The following EYS variants were observed in gnomAD, a reference collection of about 807,000 sequenced individuals.
EYS encodes the protein protein eyes shut homolog.
EYS carries 250 observed loss-of-function variants against 282.1 expected under a neutral mutation model. That is an observed-to-expected ratio of 0.89 (90% confidence interval 0.80 to 0.98). EYS has a LOEUF of 0.98. Ranked by LOEUF, EYS falls within the 50% of genes least tolerant of loss-of-function variation. The pLI, the probability that EYS is intolerant of heterozygous loss-of-function variation, is 0.00. For missense variants in EYS, 4,016 were observed against 3,709.0 expected, an observed-to-expected ratio of 1.08 and a Z score of -2.15; for synonymous variants, 1,355 against 1,282.9, an observed-to-expected ratio of 1.06 and a Z score of -1.20.
intron 35 of EYS, among the ~76,000 whole-genome samples, chr6:63,964,000 G>A (rs1407292346): frequency 6.6e-6 from 1 of 152,108 alleles, no homozygotes; most frequent in African/African-American, 2.4e-5. Flanking sequence ...CTGCCCAGTG[G>A]AAGGAAGATT....
chr6:63,853,218 G>T (rs1472956785), intron 36 of EYS, among the ~76,000 whole-genome samples: 2 of 152,158 alleles, frequency 1.3e-5, no homozygotes, highest in African/African-American at 4.8e-5. Flanking sequence ...TGACATGATT[G>T]TATATTTAGA....
In EYS at chr6:63,721,660, C is replaced by G. The variant is rs1468447938; in HGVS notation, c.8371G>C (p.Val2791Leu). ...STWHIIKAGRVGAEGYLDLDG... is the reference protein window; with the variant it reads ...STWHIIKAGRLGAEGYLDLDG... ...AGATCCAGGTAGCCTTCTGCACCAA[C>G]TCTTCCTGCTTTTATTATATGCCAA... The change falls in exon 43 of 43, where the codon GTT becomes CTT. Residue 2791 changes from valine (V) to leucine (L), a missense_variant. Physicochemically the swap from Val to Leu is conservative, Grantham distance 32 (BLOSUM62 1). Coordinates refer to ENST00000503581, the MANE Select transcript of EYS (RefSeq NM_001142800.2). 6.4e-7 allele frequency: 1 copy of G among 1,551,496 alleles called. No individual in the cohort carries two copies. The highest frequency in any genetic ancestry group is 2.4e-5 in the East Asian group (1 of 40,912).
At chr6:65,566,128 G>C (rs12204695) in intron 2 of EYS, among the ~76,000 whole-genome samples, 81,808 of 151,504 alleles carry the variant, frequency 0.54, 22,074 homozygotes, top group East Asian at 0.69. Flanking sequence ...ACATATTCAG[G>C]CATGGCCAGT....
intron 22 of EYS, among the ~76,000 whole-genome samples, chr6:64,720,969 C>A (rs920899580): frequency 4.0e-5 from 6 of 151,660 alleles, no homozygotes; most frequent in African/African-American, 1.5e-4. Flanking sequence ...GATCTAAAAC[C>A]AGTTAGTGCT....
intron 20 of EYS, 50 bp downstream of exon 20, chr6:64,822,601 T>G: frequency 7.2e-7 from 1 of 1,382,518 alleles, no homozygotes; most frequent in Non-Finnish European, 9.8e-7. Flanking sequence ...GTCTTAAATA[T>G]TGTGAGTTAA....
chr6:64,079,429 T>G (rs1771884713), intron 32 of EYS, among the ~76,000 whole-genome samples: 1 of 152,150 alleles, frequency 6.6e-6, no homozygotes, highest in Non-Finnish European at 1.5e-5. Context: ...TTACTCGTAG[T>G]CAAATAATAA....
chr6:65,618,766 A>C lies in EYS; in HGVS notation c.-333+21012T>G, dbSNP rs201784650. Among the ~76,000 whole-genome samples, 5 of 152,264 alleles carry C rather than the reference A, an allele frequency of 3.3e-5. No individual in the cohort carries two copies. In the East Asian group the frequency reaches 5.8e-4, roughly 18 times the overall value. The stretch of plus-strand genomic sequence containing the variant: ...GGAAGGGATCCAGTTTCAGCTTTCT[A>C]CATATGGCTAGCCAGTTTCCCAGCA... On this transcript the variant is annotated intron_variant, in intron 2 of 42. Transcript: ENST00000503581.
At chr6:65,513,764 T>C (rs1582400145) in intron 2 of EYS, among the ~76,000 whole-genome samples, 2 of 151,762 alleles carry the variant, frequency 1.3e-5, no homozygotes, top group African/African-American at 4.8e-5. Flanking sequence ...AAACTCTCAA[T>C]AAATTAGGTA....
At chr6:64,153,097 C>T (rs1199329824) in intron 31 of EYS, among the ~76,000 whole-genome samples, 3 of 152,152 alleles carry the variant, frequency 2.0e-5, no homozygotes, top group African/African-American at 7.2e-5. Context: ...AATCTAACAA[C>T]TTTACATCCA....
intron 15 of EYS, among the ~76,000 whole-genome samples, chr6:64,929,794 G>A (rs1312281279): frequency 4.6e-5 from 7 of 152,096 alleles, no homozygotes; most frequent in Non-Finnish European, 8.8e-5. Context: ...GGCAACGTAT[G>A]TATGATTATA....
At chr6:64,731,228 A>G (rs1242867017) in intron 22 of EYS, among the ~76,000 whole-genome samples, 1 of 152,136 alleles carries the variant, frequency 6.6e-6, no homozygotes, top group Non-Finnish European at 1.5e-5. Context: ...GGCAAAGACT[A>G]CATGACTAAA....
intron 12 of EYS, among the ~76,000 whole-genome samples, chr6:65,089,294 C>T (rs1002362075): frequency 8.5e-5 from 13 of 152,144 alleles, no homozygotes; most frequent in Admixed American, 6.5e-4. Context: ...CCTATGAAAG[C>T]ATCCAGGAGA....
intron 12 of EYS, among the ~76,000 whole-genome samples, chr6:65,271,710 A>G (rs7742973): frequency 0.97 from 148,145 of 152,126 alleles, 72,249 homozygotes; most frequent in East Asian, 1. Context: ...AATCTCCCTC[A>G]TAGCTGGGAT....
chr6:64,278,849 G>A (rs905392602), intron 30 of EYS, among the ~76,000 whole-genome samples: 6 of 151,634 alleles, frequency 4.0e-5, no homozygotes, highest in Admixed American at 1.3e-4. Flanking sequence ...CTGTAACCTC[G>A]AACTCCTGGG....
At chr6:64,035,361 G>A (rs986908038) in intron 33 of EYS, among the ~76,000 whole-genome samples, 1 of 152,196 alleles carries the variant, frequency 6.6e-6, no homozygotes, top group Non-Finnish European at 1.5e-5. Flanking sequence ...TTCTTTAGAT[G>A]TGATGGTAAA....
chr6:64,676,351 T>TAG lies in EYS; in HGVS notation c.3444-50108_3444-50107dup, dbSNP rs763594847. ...ATATCTATATATCTATATATATATA[T>TAG]AGAGAGAGAGAGGGAGAGAAAGAGG... On this transcript the variant is annotated intron_variant, in intron 22 of 42. Coordinates refer to ENST00000503581, the MANE Select transcript of EYS (RefSeq NM_001142800.2). Among the ~76,000 whole-genome samples, 483 of 145,450 alleles carry TAG rather than the reference T, an allele frequency of 3.3e-3. 1 individual carries two copies. The highest frequency in any genetic ancestry group is 0.033 in the Middle Eastern group (9 of 276).
chr6:64,166,632 G>A (rs1244717270), intron 31 of EYS, among the ~76,000 whole-genome samples: 1 of 152,166 alleles, frequency 6.6e-6, no homozygotes, highest in Non-Finnish European at 1.5e-5. Context: ...CTCCAAATCA[G>A]CTGTGTGCAG....
intron 12 of EYS, among the ~76,000 whole-genome samples, chr6:65,158,899 C>T (rs1581966218): frequency 6.6e-6 from 1 of 150,870 alleles, no homozygotes; most frequent in Non-Finnish European, 1.5e-5. Flanking sequence ...CAAACTATTC[C>T]AAAAATGCAA....
Position 65,143,490 on chromosome 6 carries a change from T to C in EYS, c.2024-85763A>G, listed in dbSNP as rs1019471525. Among the ~76,000 whole-genome samples, 10 of 152,000 alleles carry C rather than the reference T, an allele frequency of 6.6e-5. No individual in the cohort carries two copies. In the South Asian group the frequency reaches 2.1e-3, roughly 31 times the overall value. ...AGTTGAAAAAATAAAATTATTCGATTTAGATAACAAAAATATTATTTTGGG... is the reference window on the plus strand; with the variant it reads ...AGTTGAAAAAATAAAATTATTCGATCTAGATAACAAAAATATTATTTTGGG... On this transcript the variant is annotated intron_variant, in intron 12 of 42. Coordinates refer to ENST00000503581, the MANE Select transcript of EYS (RefSeq NM_001142800.2).
Sources: gnomAD v4.1 joint callset for allele counts (sites outside exome capture counted in the v4.1 genomes callset) on GRCh38, gnomAD v4.1.1 for gene constraint, MANE v1.5 for transcripts, NCBI Gene and HGNC (gene_info 2026-07-23, HGNC 2026-07-21) for gene names.